The following GALNT13 variants were observed in gnomAD, a reference collection of about 807,000 sequenced individuals.
GALNT13 encodes the protein UDP-GalNAc:polypeptide N-acetylgalactosaminyltransferase 13.
GALNT13 carries 28 observed loss-of-function variants against 64.2 expected under a neutral mutation model. The observed-to-expected ratio is 0.44, with a 90% confidence interval of 0.32 to 0.60. GALNT13 has a LOEUF of 0.60. GALNT13 is among the 20% of genes least tolerant of loss of function. The probability of loss-of-function intolerance (pLI) is 0.05; values close to 1 mark genes in which losing one functional copy is unlikely to be tolerated. For missense variants in GALNT13, 577 were observed against 669.8 expected, an observed-to-expected ratio of 0.86 and a Z score of 1.53; for synonymous variants, 214 against 224.6, an observed-to-expected ratio of 0.95 and a Z score of 0.42.
At chr2:153,523,763 T>C in the GALNT13 span, among the ~76,000 whole-genome samples, 16 of 152,330 alleles carry the variant, frequency 1.1e-4, no homozygotes, top group South Asian at 3.1e-3. Flanking sequence ...AACAGAGTTT[T>C]ATTTCTTCCT....
At chr2:154,079,456 A>G (rs1055792628) in intron 3 of GALNT13, among the ~76,000 whole-genome samples, 3 of 151,620 alleles carry the variant, frequency 2.0e-5, no homozygotes, top group African/African-American at 7.3e-5. Context: ...TTTTTATTTC[A>G]GAGCAGGATG....
intron 1 of GALNT13, among the ~76,000 whole-genome samples, chr2:153,898,226 G>A (rs72863648): frequency 0.077 from 11,693 of 152,116 alleles, 515 homozygotes; most frequent in East Asian, 0.13. Context: ...CAATTGTGCC[G>A]AAGGACTTGG....
At chr2:153,286,422 A>G in the GALNT13 span, among the ~76,000 whole-genome samples, 1 of 152,196 alleles carries the variant, frequency 6.6e-6, no homozygotes, top group South Asian at 2.1e-4. Context: ...GAGAACCTAA[A>G]TATGCCATAG....
At chr2:153,836,166 A>G in the GALNT13 span, among the ~76,000 whole-genome samples, 1 of 152,090 alleles carries the variant, frequency 6.6e-6, no homozygotes, top group African/African-American at 2.4e-5. Context: ...AGGTGAAATA[A>G]CACATGGGGC....
At chr2:153,241,562 C>T in the GALNT13 span, among the ~76,000 whole-genome samples, 191 of 152,164 alleles carry the variant, frequency 1.3e-3, no homozygotes, top group Middle Eastern at 0.027. Context: ...AAACGCTACT[C>T]CATTTTCCTG....
intron 7 of GALNT13, 82 bp from the exon 8 acceptor site, chr2:154,258,939 C>G: frequency 1.4e-6 from 1 of 719,010 alleles, no homozygotes. Flanking sequence ...TAGAATGTCT[C>G]AAAAATACGT....
At chr2:153,984,068 C>A (rs1354688677) in intron 3 of GALNT13, among the ~76,000 whole-genome samples, 1 of 83,018 alleles carries the variant, frequency 1.2e-5, no homozygotes, top group African/African-American at 5.0e-5. Context: ...GAAATCCATT[C>A]AGTGCTTTTT....
chr2:154,209,605 C>T (rs1026423621), intron 4 of GALNT13, among the ~76,000 whole-genome samples: 1 of 152,180 alleles, frequency 6.6e-6, no homozygotes, highest in African/African-American at 2.4e-5. Context: ...CTCTCTAACT[C>T]TGCTAGACAT....
chr2:153,359,151 T>G, the GALNT13 span, among the ~76,000 whole-genome samples: 5 of 152,240 alleles, frequency 3.3e-5, no homozygotes, highest in Non-Finnish European at 5.9e-5. Context: ...TCAATGATTT[T>G]TACAAAATGA....
chr2:154,427,427 A>T lies in GALNT13; in HGVS notation c.1396-11165A>T, dbSNP rs925780325. Among the ~76,000 whole-genome samples, 4 of 152,216 alleles carry T rather than the reference A, an allele frequency of 2.6e-5. No individual in the cohort carries two copies. In the South Asian group the frequency reaches 6.2e-4, roughly 24 times the overall value. On this transcript the variant is annotated intron_variant, in intron 11 of 12. Transcript: ENST00000392825. ...AAGAATGTATGAAGACTTTAAGGAG[A>T]TTAGCCTTTTGCTTGGCAAAGCGGA... is the stretch of plus-strand genomic sequence containing the variant.
chr2:153,452,341 C>T, the GALNT13 span, among the ~76,000 whole-genome samples: 44 of 151,956 alleles, frequency 2.9e-4, no homozygotes, highest in South Asian at 1.2e-3. Flanking sequence ...ATTAGCTGGT[C>T]GTGGTGGAGG....
intron 4 of GALNT13, among the ~76,000 whole-genome samples, chr2:154,182,783 C>T (rs1686036256): frequency 6.6e-6 from 1 of 151,740 alleles, no homozygotes; most frequent in Non-Finnish European, 1.5e-5. Context: ...TGACTCATGA[C>T]TAATCACAGC....
chr2:153,882,421 A>C (rs932727432), intron 1 of GALNT13, among the ~76,000 whole-genome samples: 1 of 152,068 alleles, frequency 6.6e-6, no homozygotes, highest in African/African-American at 2.4e-5. Flanking sequence ...CACTCACCTA[A>C]CTATCCACTC....
rs530662196 is a variant in GALNT13 at position 154,383,923 on chromosome 2, G to T, written c.1157-12068G>T. Among the ~76,000 whole-genome samples, 69 of 151,910 alleles carry T rather than the reference G, an allele frequency of 4.5e-4. 2 individuals are homozygous for T. In the South Asian group the frequency reaches 0.014, roughly 31 times the overall value. On this transcript the variant is annotated intron_variant, in intron 9 of 12. Transcript: ENST00000392825. ...CATATATATGTGTGTCAGAGAGAGA[G>T]AGAGAATAAGACAGAAGAGAGGGCA...
chr2:154,082,275 T>G (rs765887819), intron 3 of GALNT13, among the ~76,000 whole-genome samples: 3 of 151,704 alleles, frequency 2.0e-5, no homozygotes, highest in Non-Finnish European at 4.4e-5. Flanking sequence ...CTTGGTGGTG[T>G]TGTCTTCACA....
At chr2:153,781,506 A>G in the GALNT13 span, among the ~76,000 whole-genome samples, 2 of 152,176 alleles carry the variant, frequency 1.3e-5, no homozygotes, top group Non-Finnish European at 2.9e-5. Flanking sequence ...TTTGGTATGC[A>G]TGCTGGGCAA....
chr2:153,690,733 A>G, the GALNT13 span, among the ~76,000 whole-genome samples: 6 of 152,146 alleles, frequency 3.9e-5, no homozygotes, highest in Non-Finnish European at 8.8e-5. Flanking sequence ...CAAATCTCTC[A>G]TGGTGTTGTG....
intron 10 of GALNT13, among the ~76,000 whole-genome samples, chr2:154,398,897 A>G (rs1449558594): frequency 1.3e-5 from 2 of 152,162 alleles, no homozygotes; most frequent in African/African-American, 2.4e-5. Flanking sequence ...TTACGTAGAA[A>G]TTAGAACAAC....
chr2:153,573,677 A>T, the GALNT13 span, among the ~76,000 whole-genome samples: 7 of 152,080 alleles, frequency 4.6e-5, no homozygotes, highest in Non-Finnish European at 1.5e-5. Flanking sequence ...ACCTTGTGAC[A>T]ACTTAACACT....
Sources: allele counts gnomAD v4.1 joint callset (sites outside exome capture counted in the v4.1 genomes callset), GRCh38; gene constraint gnomAD v4.1.1; transcripts MANE v1.5; gene names NCBI Gene and HGNC (gene_info 2026-07-23, HGNC 2026-07-21).